SLC24A2: variants seen among roughly 807,000 people sequenced by gnomAD.
The protein encoded by SLC24A2 is solute carrier family 24 member 2, also known as sodium/potassium/calcium exchanger 2.
A neutral mutation model predicts 62.0 loss-of-function variants in SLC24A2; 36 were observed. That is an observed-to-expected ratio of 0.58 (90% CI 0.44 to 0.77). The LOEUF is 0.77. Among genes scored for constraint, SLC24A2 ranks in the 30% least tolerant of loss-of-function variants. The pLI is 0.00. For missense variants in SLC24A2, 846 were observed against 817.9 expected (o/e 1.03, Z -0.42); for synonymous variants, 358 against 294.0 (o/e 1.22, Z -2.23).
the SLC24A2 span, among the ~76,000 whole-genome samples, chr9:19,799,731 A>C: frequency 1.5e-4 from 23 of 152,300 alleles, no homozygotes; most frequent in African/African-American, 5.5e-4. Flanking sequence ...GTGTTTAATA[A>C]TTTGGTGTTT....
At chr9:19,927,337 T>A in the SLC24A2 span, 11 of 152,238 alleles carry the variant, frequency 7.2e-5, no homozygotes, top group African/African-American at 2.7e-4. Context: ...ACATCCCAGC[T>A]CTGCTGAGTT....
chr9:19,856,285 C>G, the SLC24A2 span, among the ~76,000 whole-genome samples: 2 of 152,190 alleles, frequency 1.3e-5, no homozygotes, highest in African/African-American at 2.4e-5. Flanking sequence ...CTACTTCTGT[C>G]AGTTCATGCA....
chr9:19,669,184 CAGG>C (rs1258083280), intron 2 of SLC24A2, among the ~76,000 whole-genome samples: 1 of 152,048 alleles, frequency 6.6e-6, no homozygotes, highest in Admixed American at 6.6e-5. Context: ...ACTCCAAAAC[CAGG>C]AGAAGAAAAA....
At chr9:20,221,117 G>A in the SLC24A2 span, among the ~76,000 whole-genome samples, 1 of 152,066 alleles carries the variant, frequency 6.6e-6, no homozygotes, top group Non-Finnish European at 1.5e-5. Context: ...ATCAGAAGCA[G>A]AATCAGAAGA....
chr9:20,280,602 GTT>G, the SLC24A2 span, among the ~76,000 whole-genome samples: 3 of 152,142 alleles, frequency 2.0e-5, no homozygotes, highest in Non-Finnish European at 2.9e-5. Flanking sequence ...TTATGGTTTC[GTT>G]TTTGTTTTCA....
At chr9:19,600,479 G>A (rs1836813858) in intron 4 of SLC24A2, among the ~76,000 whole-genome samples, 1 of 152,176 alleles carries the variant, frequency 6.6e-6, no homozygotes, top group Non-Finnish European at 1.5e-5. Flanking sequence ...GGAAAATATG[G>A]TGAAAGTCCT....
chr9:20,259,860 G>A, the SLC24A2 span, among the ~76,000 whole-genome samples: 2,581 of 152,298 alleles, frequency 0.017, 55 homozygotes, highest in South Asian at 0.059. Flanking sequence ...AGACCAAGGT[G>A]GGAGGACTGC....
the SLC24A2 span, among the ~76,000 whole-genome samples, chr9:20,140,320 G>A: frequency 6.6e-6 from 1 of 152,126 alleles, no homozygotes; most frequent in Admixed American, 6.5e-5. Context: ...ACCTGCTTCT[G>A]CCAGCGTTGA....
the SLC24A2 span, among the ~76,000 whole-genome samples, chr9:20,207,313 T>C: frequency 6.6e-6 from 1 of 152,210 alleles, no homozygotes; most frequent in East Asian, 1.9e-4. Context: ...ATCTATGGCT[T>C]ACCCCTGTAG....
the SLC24A2 span, among the ~76,000 whole-genome samples, chr9:20,190,775 T>A: frequency 6.6e-6 from 1 of 152,236 alleles, no homozygotes; most frequent in African/African-American, 2.4e-5. Flanking sequence ...GCTTTGCTAC[T>A]TAGCAATTGT....
chr9:20,302,708 C>T, the SLC24A2 span, among the ~76,000 whole-genome samples: 1 of 152,176 alleles, frequency 6.6e-6, no homozygotes, highest in Non-Finnish European at 1.5e-5. Flanking sequence ...ATGTCTTTCA[C>T]AGAGCAGAAG....
chr9:20,114,064 G>T, the SLC24A2 span, among the ~76,000 whole-genome samples: 5 of 152,142 alleles, frequency 3.3e-5, no homozygotes, highest in African/African-American at 1.2e-4. Context: ...TTCCTGGTTT[G>T]AAGAGACAGG....
intron 2 of SLC24A2, among the ~76,000 whole-genome samples, chr9:19,704,589 T>G (rs1820454984): frequency 6.6e-6 from 1 of 152,174 alleles, no homozygotes; most frequent in South Asian, 2.1e-4. Context: ...TTTTCAGAAT[T>G]TTACTGAGTT....
chr9:19,773,609 A>G (rs2118901462), intron 2 of SLC24A2, among the ~76,000 whole-genome samples: 1 of 152,340 alleles, frequency 6.6e-6, no homozygotes, highest in Middle Eastern at 3.4e-3. Context: ...CATCACCACT[A>G]TCAACTTCTT....
At chr9:20,298,909 A>G in the SLC24A2 span, among the ~76,000 whole-genome samples, 1 of 152,222 alleles carries the variant, frequency 6.6e-6, no homozygotes, top group Non-Finnish European at 1.5e-5. Flanking sequence ...TGAGGCTCAT[A>G]TGACTCTAAG....
At chr9:19,608,218 T>C (rs771694537) in intron 4 of SLC24A2, among the ~76,000 whole-genome samples, 9 of 152,150 alleles carry the variant, frequency 5.9e-5, no homozygotes, top group Non-Finnish European at 1.2e-4. Flanking sequence ...ATTACAAAAC[T>C]GCTTTTGAGA....
intron 2 of SLC24A2, among the ~76,000 whole-genome samples, chr9:19,678,684 G>T (rs1422714770): frequency 6.6e-6 from 1 of 152,114 alleles, no homozygotes; most frequent in Non-Finnish European, 1.5e-5. Context: ...CAGAAATTAG[G>T]TGAATCTGCT....
At position 19,577,034 on chromosome 9, in the gene SLC24A2, G is replaced by C. The variant is rs539743540; in HGVS notation, c.1130-12C>G. The stretch of plus-strand genomic sequence containing the variant: ...TTCTCTGAACCTCCCTGAAGCAAAA[G>C]AAAGTGGCAGGAAGGAGACACAATG... On this transcript the variant is annotated splice_polypyrimidine_tract_variant and intron_variant, in intron 5 of 10. Coordinates refer to ENST00000341998, the MANE Select transcript of SLC24A2 (RefSeq NM_020344.4). 3.7e-6 allele frequency: 6 copies of C among 1,607,556 alleles called. No individual in the cohort carries two copies. The South Asian group carries it at 5.5e-5, about 15-fold the overall frequency.
the SLC24A2 span, among the ~76,000 whole-genome samples, chr9:20,157,844 G>A: frequency 6.6e-6 from 1 of 151,544 alleles, no homozygotes; most frequent in Non-Finnish European, 1.5e-5. Flanking sequence ...GAGAAACTGT[G>A]CTTCATGATA....
Sources: allele counts gnomAD v4.1 joint callset (sites outside exome capture counted in the v4.1 genomes callset), GRCh38; gene constraint gnomAD v4.1.1; transcripts MANE v1.5; gene names NCBI Gene and HGNC (gene_info 2026-07-23, HGNC 2026-07-21).